MTHFD1L: variants seen among roughly 807,000 people sequenced by gnomAD.
The protein encoded by MTHFD1L is monofunctional C1-tetrahydrofolate synthase, mitochondrial.
MTHFD1L carries 81 observed loss-of-function variants against 119.5 expected under a neutral mutation model. That is an observed-to-expected ratio of 0.68 (90% CI 0.57 to 0.82). The LOEUF (loss-of-function observed/expected upper bound fraction) is 0.82. Among genes scored for constraint, MTHFD1L ranks in the 40% least tolerant of loss-of-function variants. MTHFD1L has a pLI of 0.00. For missense variants in MTHFD1L, 1,125 were observed against 1,253.4 expected, an observed-to-expected ratio of 0.90 and a Z score of 1.55; for synonymous variants, 430 against 475.2, an observed-to-expected ratio of 0.90 and a Z score of 1.24.
chr6:150,884,866 T>C (rs1044310823), intron 5 of MTHFD1L, among the ~76,000 whole-genome samples: 3 of 152,078 alleles, frequency 2.0e-5, no homozygotes, highest in African/African-American at 4.8e-5. Context: ...CGAGGTCAAG[T>C]TGAAATCAGA....
intron 27 of MTHFD1L, among the ~76,000 whole-genome samples, chr6:151,096,088 A>G (rs1167697066): frequency 6.6e-6 from 1 of 152,224 alleles, no homozygotes; most frequent in African/African-American, 2.4e-5. Flanking sequence ...CATTTCAGTC[A>G]CGGGTAAAAT....
chr6:151,044,295 CTT>C (rs1182412170), intron 26 of MTHFD1L, among the ~76,000 whole-genome samples: 10 of 138,492 alleles, frequency 7.2e-5, no homozygotes, highest in African/African-American at 2.1e-4. Context: ...TGGGTACATT[CTT>C]TTTTTTTTTT....
At chr6:150,908,346 G>C (rs1434627856) in intron 8 of MTHFD1L, among the ~76,000 whole-genome samples, 1 of 151,930 alleles carries the variant, frequency 6.6e-6, no homozygotes, top group Non-Finnish European at 1.5e-5. Context: ...CTGATGGCCA[G>C]GCACAGTGGC....
chr6:151,012,045 A>C (rs909034620), intron 21 of MTHFD1L, among the ~76,000 whole-genome samples: 71 of 147,648 alleles, frequency 4.8e-4, no homozygotes, highest in Non-Finnish European at 2.4e-4. Context: ...AAAAAAAAAA[A>C]AAAAAACCAG....
At chr6:151,023,064 T>TTTA (rs1784169977) in intron 24 of MTHFD1L, among the ~76,000 whole-genome samples, 1 of 143,218 alleles carries the variant, frequency 7.0e-6, no homozygotes, top group African/African-American at 2.5e-5. Flanking sequence ...TTTTTTTTTT[T>TTTA]GAGGCAGAGT....
At chr6:151,038,819 G>A (rs980963298) in intron 26 of MTHFD1L, among the ~76,000 whole-genome samples, 1 of 152,136 alleles carries the variant, frequency 6.6e-6, no homozygotes, top group Non-Finnish European at 1.5e-5. Flanking sequence ...CCGGGGGAAG[G>A]GACCGTTCTA....
At chr6:150,896,161 A>G (rs1318112800) in intron 7 of MTHFD1L, among the ~76,000 whole-genome samples, 4 of 152,238 alleles carry the variant, frequency 2.6e-5, no homozygotes, top group Non-Finnish European at 5.9e-5. Flanking sequence ...ATCATCACAT[A>G]AAGTCTAATC....
intron 26 of MTHFD1L, among the ~76,000 whole-genome samples, chr6:151,073,965 A>C (rs1211652215): frequency 6.6e-6 from 1 of 152,250 alleles, no homozygotes; most frequent in Non-Finnish European, 1.5e-5. Flanking sequence ...TACATTCAAA[A>C]AAATGAGAAC....
intron 16 of MTHFD1L, 42 bp downstream of exon 16, chr6:150,949,175 G>A: frequency 6.5e-7 from 1 of 1,543,654 alleles, no homozygotes; most frequent in Non-Finnish European, 9.0e-7. Context: ...GGCCAGGTGG[G>A]GAGGCGTGTT....
intron 20 of MTHFD1L, among the ~76,000 whole-genome samples, chr6:151,002,442 C>G (rs1288016260): frequency 1.3e-5 from 2 of 152,168 alleles, no homozygotes; most frequent in African/African-American, 2.4e-5. Context: ...GCCCTCTCCC[C>G]ATGCCTCGGT....
intron 20 of MTHFD1L, among the ~76,000 whole-genome samples, chr6:150,987,790 T>G (rs1218352509): frequency 6.6e-6 from 1 of 152,248 alleles, no homozygotes. Flanking sequence ...GGTAGCTGAA[T>G]GACTTAACTA....
In MTHFD1L at chr6:151,084,980, A is replaced by T. The variant is rs1222974377; in HGVS notation, c.2848-7487A>T. Among the ~76,000 whole-genome samples the T allele has an allele frequency of 1.6e-4, 20 of 127,504 alleles. No individual in the cohort carries two copies. In the East Asian group the frequency reaches 2.5e-3, roughly 16 times the overall value. 83.6% of individuals were successfully genotyped at this position (127,504 alleles called of 152,430 possible). A position where few individuals can be genotyped will look rare whatever the true frequency, so the allele number is the denominator to read the frequency against. The stretch of plus-strand genomic sequence containing the variant: ...AGACTCCATCTCAAAGAAAAAAAAA[A>T]AAAAATATATATATATATATATATG... On this transcript the variant is annotated intron_variant, in intron 26 of 27. Coordinates refer to ENST00000367321, the MANE Select transcript of MTHFD1L (RefSeq NM_015440.5).
chr6:151,062,876 C>T (rs1344603326), intron 26 of MTHFD1L, among the ~76,000 whole-genome samples: 3 of 152,038 alleles, frequency 2.0e-5, no homozygotes, highest in African/African-American at 7.2e-5. Flanking sequence ...ATCCACTTCA[C>T]CCTGTTGTGG....
chr6:150,938,690 GTTGTT>G lies in MTHFD1L; in HGVS notation c.1394-7_1394-3del. ...ACCCGTTTGAAATGCCTCTTGCTCTGTTGTTTAGGAGGAGCCGCGGGTGGTGGATA... is the reference window on the plus strand; with the variant it reads ...ACCCGTTTGAAATGCCTCTTGCTCTGTAGGAGGAGCCGCGGGTGGTGGATA... On this transcript the variant is annotated splice_region_variant and splice_polypyrimidine_tract_variant and intron_variant, in intron 12 of 27. Coordinates refer to ENST00000367321, the MANE Select transcript of MTHFD1L (RefSeq NM_015440.5). The G allele has an allele frequency of 5.6e-6, 9 of 1,608,946 alleles. No individual in the cohort carries two copies. The highest frequency in any genetic ancestry group is 7.6e-6 in the Non-Finnish European group (9 of 1,178,090).
chr6:150,955,491 T>C (rs1353229671), intron 16 of MTHFD1L, among the ~76,000 whole-genome samples: 2 of 124,802 alleles, frequency 1.6e-5, no homozygotes, highest in Non-Finnish European at 3.3e-5. Context: ...AAGTTGCTGG[T>C]TGGGTTTTTT....
chr6:151,035,230 G>A (rs1400953151), intron 25 of MTHFD1L, among the ~76,000 whole-genome samples: 1 of 152,158 alleles, frequency 6.6e-6, no homozygotes, highest in Non-Finnish European at 1.5e-5. Context: ...TGACAGTCAT[G>A]ATCAATCAAC....
intron 20 of MTHFD1L, among the ~76,000 whole-genome samples, chr6:150,986,329 G>C (rs1413284971): frequency 6.6e-6 from 1 of 152,114 alleles, no homozygotes; most frequent in Non-Finnish European, 1.5e-5. Flanking sequence ...ATTTAAAAAA[G>C]AAAAACTCTA....
At chr6:151,015,479 G>T in intron 23 of MTHFD1L, 37 bp from the exon 24 acceptor site, 1 of 1,578,348 alleles carries the variant, frequency 6.3e-7, no homozygotes, top group Non-Finnish European at 8.6e-7. Flanking sequence ...TAGCTAAATG[G>T]ATACAGATGC....
chr6:151,079,700 G>C (rs1010960074), intron 26 of MTHFD1L, among the ~76,000 whole-genome samples: 10 of 151,344 alleles, frequency 6.6e-5, no homozygotes, highest in African/African-American at 2.4e-4. Context: ...TGTTGGTCAC[G>C]CTGGTCTCAA....
Sources: gnomAD v4.1 joint callset for allele counts (sites outside exome capture counted in the v4.1 genomes callset) on GRCh38, gnomAD v4.1.1 for gene constraint, MANE v1.5 for transcripts, NCBI Gene and HGNC (gene_info 2026-07-23, HGNC 2026-07-21) for gene names.